ERCC5: variants seen among roughly 807,000 people sequenced by gnomAD.
ERCC5 encodes DNA excision repair protein ERCC-5.
In ERCC5, 68 loss-of-function variants were observed where a neutral mutation model predicts 105.6. That is an observed-to-expected ratio of 0.64 (90% confidence interval 0.53 to 0.79). ERCC5 has a LOEUF of 0.79. Among genes scored for constraint, ERCC5 ranks in the 30% least tolerant of loss-of-function variants. The pLI is 0.00. For missense variants in ERCC5, 1,373 were observed against 1,426.7 expected, an observed-to-expected ratio of 0.96 and a Z score of 0.61; for synonymous variants, 546 against 526.2, an observed-to-expected ratio of 1.04 and a Z score of -0.51.
At chr13:102,860,476 A>G (rs1882579332) in intron 6 of ERCC5, among the ~76,000 whole-genome samples, 1 of 152,178 alleles carries the variant, frequency 6.6e-6, no homozygotes, top group Non-Finnish European at 1.5e-5. Context: ...CTGATTGATG[A>G]CAATCAGGTT....
rs370623034 is a variant in ERCC5, at chr13:102,854,582, C to A, written c.467+208C>A. Among the ~76,000 whole-genome samples the A allele has an allele frequency of 3.7e-4, 57 of 152,220 alleles. 1 individual carries two copies. The highest frequency in any genetic ancestry group is 1.3e-3 in the African/African-American group (52 of 41,520). On this transcript the variant is annotated intron_variant, in intron 4 of 14. Coordinates refer to ENST00000652225, the MANE Select transcript of ERCC5 (RefSeq NM_000123.4). The stretch of plus-strand genomic sequence containing the variant: ...GTTTTGGTGATTCATGATTCTTATT[C>A]CTCTTCATTCTAAAGAACTTCTGCC...
chr13:102,866,508 C>T (rs1882846613), intron 10 of ERCC5, 124 bp from the exon 11 acceptor site: 2 of 1,601,184 alleles, frequency 1.2e-6, no homozygotes, highest in South Asian at 2.2e-5. Context: ...CCCTGGGGGT[C>T]ACTGTGTGTC....
intron 4 of ERCC5, among the ~76,000 whole-genome samples, chr13:102,855,054 T>G (rs1167627409): frequency 6.6e-6 from 1 of 152,254 alleles, no homozygotes; most frequent in Admixed American, 6.5e-5. Flanking sequence ...TTGTCTCCAT[T>G]GCTACCACTG....
intron 1 of ERCC5, chr13:102,849,544 A>G (rs1882116973): frequency 4.8e-6 from 2 of 414,358 alleles, no homozygotes; most frequent in Middle Eastern, 3.6e-4. Flanking sequence ...ATTTTGTTAC[A>G]TAGTGTTTTG....
At chr13:102,858,925 G>C (rs570395447) in intron 6 of ERCC5, 1 of 456,026 alleles carries the variant, frequency 2.2e-6, no homozygotes, top group Non-Finnish European at 4.4e-6. Context: ...ATCTTCCTCT[G>C]CTGCAGCCCT....
intron 5 of ERCC5, among the ~76,000 whole-genome samples, chr13:102,856,481 T>A (rs1409126000): frequency 6.6e-6 from 1 of 152,250 alleles, no homozygotes. Context: ...GCCTGCCCCA[T>A]ATAGTTGAAT....
intron 4 of ERCC5, among the ~76,000 whole-genome samples, chr13:102,855,668 C>T (rs4150279): frequency 0.58 from 88,468 of 152,066 alleles, 26,503 homozygotes; most frequent in African/African-American, 0.66. Context: ...TCTATATGGT[C>T]ATACAACTTA....
intron 6 of ERCC5, 68 bp from the exon 7 acceptor site, chr13:102,861,439 T>C (rs1882613986): frequency 1.9e-6 from 3 of 1,545,514 alleles, no homozygotes; most frequent in African/African-American, 2.8e-5. Flanking sequence ...GGGGAAAGGG[T>C]GGAAATATGG....
At chr13:102,851,834 T>A (rs1882217301) in intron 1 of ERCC5, among the ~76,000 whole-genome samples, 1 of 96,774 alleles carries the variant, frequency 1.0e-5, no homozygotes, top group African/African-American at 4.5e-5. Flanking sequence ...AGCAATCACT[T>A]ATTTTTTTTT....
intron 4 of ERCC5, 149 bp from the exon 5 acceptor site, chr13:102,855,903 C>T (rs995567438): frequency 2.6e-6 from 2 of 765,036 alleles, no homozygotes; most frequent in Non-Finnish European, 2.3e-6. Context: ...ACACGTGTCC[C>T]CCACCAGACC....
chr13:102,865,269 C>A lies in ERCC5; in HGVS notation c.1955-398C>A. The stretch of plus-strand genomic sequence containing the variant: ...GGAAGAGGAAGAACTATTTCTTAGT[C>A]ACAGCTTTATTCTGTGCTGTGTAAA... On this transcript the variant is annotated intron_variant, in intron 8 of 14. Coordinates refer to ENST00000652225, the MANE Select transcript of ERCC5 (RefSeq NM_000123.4). This position sits in a 1 kb window ranked among gnomAD's most constrained non-coding sequence, Gnocchi z 4.0. The A allele has an allele frequency of 8.3e-6, 2 of 240,176 alleles. No homozygotes were observed. Among genetic ancestry groups the A allele is most frequent in the East Asian group, 1.1e-4 (1 of 8,774 alleles). The allele number at this position is 240,176 out of a possible 1,614,324, so 14.9% of individuals were successfully genotyped here.
chr13:102,852,073 T>A, intron 1 of ERCC5, 45 bp from the exon 2 acceptor site: 3 of 1,607,084 alleles, frequency 1.9e-6, no homozygotes, highest in Non-Finnish European at 2.6e-6. Context: ...GTTGTGAGGA[T>A]GAAGAGAAAA....
chr13:102,856,485 G>C (rs531263868), intron 5 of ERCC5, among the ~76,000 whole-genome samples: 1 of 152,266 alleles, frequency 6.6e-6, no homozygotes, highest in Admixed American at 6.5e-5. Context: ...GCCCCATATA[G>C]TTGAATATCT....
At position 102,862,583 on chromosome 13, in the gene ERCC5, T is replaced by C. The variant is rs777067436; in HGVS notation, c.1434T>C (p.Leu478=). ...TDSVPKEQMS[L]VHVGTEAFPI... is the part of the protein sequence containing the mutation. The stretch of plus-strand genomic sequence containing the variant: ...CAGTTCCAAAAGAACAAATGTCACT[T>C]GTTCACGTGGGGACTGAAGCCTTTC... The change falls in exon 8 of 15, where the codon CTT becomes CTC. Residue 478 remains leucine (L), a synonymous_variant. Coordinates refer to ENST00000652225, the MANE Select transcript of ERCC5 (RefSeq NM_000123.4). 12 of 1,614,046 alleles carry C rather than the reference T, an allele frequency of 7.4e-6. No individual in the cohort carries two copies. In the Admixed American group the frequency reaches 1.7e-4, roughly 22 times the overall value.
Position 102,862,535 on chromosome 13 carries a change from T to G in ERCC5, c.1386T>G (p.Asn462Lys). ...NSAEEHVAST[N>K]EGREPTDSVP... is the part of the protein sequence containing the mutation. ...CAGAGGAGCACGTAGCCAGCACTAA[T>G]GAGGGGAGAGAGCCCACAGACTCAG... Residue 462 changes from asparagine to lysine, a missense_variant, in exon 8 of 15, where the codon AAT (asparagine) becomes AAG (lysine). Physicochemically the swap from Asn to Lys is moderately conservative, Grantham distance 94. Transcript: ENST00000652225. The G allele has an allele frequency of 6.2e-7, 1 of 1,614,074 alleles. No homozygotes were observed. The highest frequency in any genetic ancestry group is 8.5e-7 in the Non-Finnish European group (1 of 1,180,024).
intron 13 of ERCC5, 150 bp from the exon 14 acceptor site, chr13:102,873,109 T>C: frequency 2.5e-6 from 2 of 794,316 alleles, no homozygotes; most frequent in Non-Finnish European, 4.0e-6. Context: ...ATTTATTTTG[T>C]TAGTACTTTC....
At position 102,863,111 on chromosome 13, in the gene ERCC5, T is replaced by G; in HGVS notation, c.1954+8T>G. ...AAGAAAGTGAATCTGATGGTACGTG[T>G]CTGTGCTTTTGTAGAAATCTGGAAC... On this transcript the variant is annotated splice_region_variant and intron_variant, in intron 8 of 14. Transcript: ENST00000652225. 1.2e-6 allele frequency: 2 copies of G among 1,612,234 alleles called. No homozygotes were observed. Among genetic ancestry groups the G allele is most frequent in the Non-Finnish European group, 1.7e-6 (2 of 1,179,730 alleles).
intron 5 of ERCC5, among the ~76,000 whole-genome samples, chr13:102,857,234 A>G (rs1446033301): frequency 6.6e-6 from 1 of 152,228 alleles, no homozygotes; most frequent in African/African-American, 2.4e-5. Flanking sequence ...TGTGCTATTA[A>G]TGCAGCTAGT....
intron 1 of ERCC5, chr13:102,849,102 T>G: frequency 1.9e-6 from 1 of 518,180 alleles, no homozygotes; most frequent in South Asian, 1.4e-5. Context: ...AATAGTGAGC[T>G]TCATGGCTTT....
Sources: allele counts gnomAD v4.1 joint callset (sites outside exome capture counted in the v4.1 genomes callset), GRCh38; gene constraint gnomAD v4.1.1; non-coding constraint Gnocchi (gnomAD v3.1); transcripts MANE v1.5; gene names NCBI Gene and HGNC (gene_info 2026-07-23, HGNC 2026-07-21).